PRPSAP2: variants seen among roughly 807,000 people sequenced by gnomAD.
PRPSAP2 encodes the protein phosphoribosyl pyrophosphate synthetase associated protein 2, also known as phosphoribosyl pyrophosphate synthase-associated protein 2.
In PRPSAP2, 24 loss-of-function variants were observed where a neutral mutation model predicts 40.6. That is an observed-to-expected ratio of 0.59 (90% CI 0.43 to 0.83). The LOEUF is 0.83. PRPSAP2 is among the 40% of genes least tolerant of loss of function. The pLI is 0.00. For synonymous variants in PRPSAP2, 149 were observed against 164.7 expected (o/e 0.90, Z 0.73); for missense variants, 292 against 465.6 (o/e 0.63, Z 3.43).
chr17:18,906,529 T>C (rs2040595496), intron 8 of PRPSAP2, among the ~76,000 whole-genome samples: 1 of 149,580 alleles, frequency 6.7e-6, no homozygotes, highest in Non-Finnish European at 1.5e-5. Context: ...AATTTTTTTT[T>C]ATTTTTGTAG....
chr17:18,920,931 CCTT>C (rs146033447), intron 9 of PRPSAP2, among the ~76,000 whole-genome samples: 3,639 of 152,166 alleles, frequency 0.024, 145 homozygotes, highest in African/African-American at 0.084. Flanking sequence ...GTTGCTGCCT[CCTT>C]CTCCCAGCTG....
At chr17:18,869,949 G>A (rs1256964997) in intron 4 of PRPSAP2, among the ~76,000 whole-genome samples, 3 of 151,318 alleles carry the variant, frequency 2.0e-5, no homozygotes, top group Non-Finnish European at 4.4e-5. Flanking sequence ...TCAGGTTCAA[G>A]CGATACTCCT....
intron 8 of PRPSAP2, chr17:18,908,879 A>C: frequency 1.8e-6 from 1 of 543,288 alleles, no homozygotes; most frequent in Non-Finnish European, 3.4e-6. Context: ...ATCTTATTTT[A>C]TTTCCTTTTC....
Position 18,889,934 on chromosome 17 carries a change from A to G in PRPSAP2, c.584+57A>G. ...TCTACTTCTAAGGATTGTATCCGTG[A>G]TGAGTTCCAGGCATTCTAATTTGAA... On this transcript the variant is annotated intron_variant, in intron 8 of 11. Coordinates refer to ENST00000268835, the MANE Select transcript of PRPSAP2 (RefSeq NM_002767.4). The G allele has an allele frequency of 3.3e-6, 5 of 1,521,584 alleles. No homozygotes were observed. In the South Asian group the frequency reaches 4.7e-5, roughly 14 times the overall value. 94.3% of individuals were successfully genotyped at this position (1,521,584 alleles called of 1,614,324 possible).
At chr17:18,929,871 C>T (rs78696941) in intron 11 of PRPSAP2, 2 of 152,150 alleles carry the variant, frequency 1.3e-5, no homozygotes, top group Non-Finnish European at 2.9e-5. Flanking sequence ...GGATACGTAC[C>T]TAGGTTTAGA....
Position 18,930,778 on chromosome 17 carries a change from C to A in PRPSAP2, c.*80C>A. 1 of 1,302,206 alleles carries A rather than the reference C, an allele frequency of 7.7e-7. No individual in the cohort carries two copies. The allele number at this position is 1,302,206 out of a possible 1,614,324, so 80.7% of individuals were successfully genotyped here. A position where few individuals can be genotyped will look rare whatever the true frequency, so the allele number is the denominator to read the frequency against. On this transcript the variant is annotated 3_prime_UTR_variant, in exon 12 of 12. Coordinates refer to ENST00000268835, the MANE Select transcript of PRPSAP2 (RefSeq NM_002767.4). ...TCGGTGGGATGGATTTCACAGGAAC[C>A]GTCATGCTTGTTCCTCCCTCTCCCC...
chr17:18,925,794 T>C (rs2041934333), intron 10 of PRPSAP2, among the ~76,000 whole-genome samples: 2 of 152,322 alleles, frequency 1.3e-5, no homozygotes, highest in South Asian at 4.1e-4. Context: ...TTGATAATTT[T>C]GTACGCACCC....
chr17:18,895,280 T>C (rs7210746), intron 8 of PRPSAP2, among the ~76,000 whole-genome samples: 54,285 of 151,324 alleles, frequency 0.36, 9,874 homozygotes, highest in Non-Finnish European at 0.39. Flanking sequence ...TATTTTTTGT[T>C]AGAGACGGGG....
intron 8 of PRPSAP2, among the ~76,000 whole-genome samples, chr17:18,890,624 C>T (rs2039484498): frequency 6.6e-6 from 1 of 152,194 alleles, no homozygotes; most frequent in South Asian, 2.1e-4. Context: ...AATCATATTT[C>T]TTGACCAAAG....
At chr17:18,901,646 G>A (rs1366001449) in intron 8 of PRPSAP2, among the ~76,000 whole-genome samples, 1 of 152,170 alleles carries the variant, frequency 6.6e-6, no homozygotes, top group Non-Finnish European at 1.5e-5. Flanking sequence ...AGAGTGCTAG[G>A]ATTACAGGCA....
At chr17:18,863,233 G>C (rs1223522750) in intron 1 of PRPSAP2, among the ~76,000 whole-genome samples, 3 of 151,852 alleles carry the variant, frequency 2.0e-5, no homozygotes, top group Non-Finnish European at 4.4e-5. Flanking sequence ...TGACCATCTG[G>C]GCTCAAGTGA....
intron 9 of PRPSAP2, among the ~76,000 whole-genome samples, chr17:18,918,951 G>A (rs1481069987): frequency 1.3e-5 from 2 of 152,124 alleles, no homozygotes; most frequent in African/African-American, 4.8e-5. Context: ...CTTTTGTAAT[G>A]TGGCTACTAG....
intron 8 of PRPSAP2, among the ~76,000 whole-genome samples, chr17:18,900,466 A>C (rs1485935136): frequency 6.6e-6 from 1 of 152,054 alleles, no homozygotes; most frequent in African/African-American, 2.4e-5. Flanking sequence ...CAGTTTCAGC[A>C]TGTCTGTCAT....
At chr17:18,861,140 A>G (rs2036976971) in intron 1 of PRPSAP2, among the ~76,000 whole-genome samples, 1 of 152,166 alleles carries the variant, frequency 6.6e-6, no homozygotes, top group Non-Finnish European at 1.5e-5. Context: ...AGCCTTAATT[A>G]CCAACAGGAG....
At chr17:18,878,340 CCT>C (rs977564388) in intron 6 of PRPSAP2, among the ~76,000 whole-genome samples, 4 of 152,076 alleles carry the variant, frequency 2.6e-5, no homozygotes, top group African/African-American at 9.7e-5. Context: ...AAGTGATCCC[CCT>C]GAGTAGTTGG....
chr17:18,917,387 CA>C (rs562083632), intron 9 of PRPSAP2: 199 of 148,598 alleles, frequency 1.3e-3, no homozygotes, highest in African/African-American at 4.5e-3. Context: ...TGTGGGAAAA[CA>C]GATGACTTCT....
intron 5 of PRPSAP2, among the ~76,000 whole-genome samples, chr17:18,874,607 G>A (rs762870013): frequency 1.3e-5 from 2 of 152,234 alleles, no homozygotes; most frequent in Non-Finnish European, 2.9e-5. Flanking sequence ...GAAGGAGGAA[G>A]GGTGTGGAGG....
intron 10 of PRPSAP2, among the ~76,000 whole-genome samples, chr17:18,925,824 C>T (rs1413480160): frequency 6.6e-6 from 1 of 152,154 alleles, no homozygotes; most frequent in African/African-American, 2.4e-5. Flanking sequence ...TAGAAAATCT[C>T]TCTGGGGCCG....
intron 10 of PRPSAP2, among the ~76,000 whole-genome samples, chr17:18,925,921 C>T (rs985970723): frequency 5.3e-5 from 8 of 152,008 alleles, no homozygotes; most frequent in Non-Finnish European, 8.8e-5. Flanking sequence ...CTGGCTAACA[C>T]GGTGAAACCT....
Sources: allele counts gnomAD v4.1 joint callset (sites outside exome capture counted in the v4.1 genomes callset), GRCh38; gene constraint gnomAD v4.1.1; transcripts MANE v1.5; gene names NCBI Gene and HGNC (gene_info 2026-07-23, HGNC 2026-07-21).